The following PRPF18 variants were observed in gnomAD, a reference collection of about 807,000 sequenced individuals.
PRPF18 encodes pre-mRNA processing factor 18.
In PRPF18, 38 loss-of-function variants were observed where a neutral mutation model predicts 46.5. That is an observed-to-expected ratio of 0.82 (90% CI 0.63 to 1.07). The LOEUF (loss-of-function observed/expected upper bound fraction) is 1.07, where lower values mean the gene tolerates loss of function less well. Ranked by LOEUF, PRPF18 falls within the 50% of genes least tolerant of loss-of-function variation. The probability of loss-of-function intolerance (pLI) is 0.00; values close to 1 mark genes in which losing one functional copy is unlikely to be tolerated. For missense variants in PRPF18, 263 were observed against 410.0 expected (o/e 0.64, Z 3.10); for synonymous variants, 152 against 146.7 (o/e 1.04, Z -0.26).
chr10:13,649,710 G>C, the PRPF18 span: 1 of 152,206 alleles, frequency 6.6e-6, no homozygotes, highest in Non-Finnish European at 1.5e-5. Flanking sequence ...CTGGGGAAGA[G>C]ACCCTTGTTC....
chr10:13,653,427 A>C, the PRPF18 span: 1 of 152,292 alleles, frequency 6.6e-6, no homozygotes, highest in Non-Finnish European at 1.5e-5. Flanking sequence ...AATCACTTGA[A>C]CCATGGAGGT....
intron 4 of PRPF18, among the ~76,000 whole-genome samples, chr10:13,606,729 T>G (rs2502206): frequency 0.71 from 90,714 of 128,216 alleles, 32,100 homozygotes; most frequent in East Asian, 0.77. Flanking sequence ...GTGAGACTCC[T>G]TCTCAAAAAA....
intron 9 of PRPF18, among the ~76,000 whole-genome samples, chr10:13,620,558 G>T (rs931942036): frequency 6.6e-6 from 1 of 152,136 alleles, no homozygotes; most frequent in Non-Finnish European, 1.5e-5. Context: ...CTTCCAGCAG[G>T]TTCCTTCATG....
In PRPF18 at chr10:13,611,715, C is replaced by A. The variant is rs781508917; in HGVS notation, c.579+32C>A. 57 of 1,573,262 alleles carry A rather than the reference C, an allele frequency of 3.6e-5. 2 individuals carry two copies. The African/African-American group carries it at 5.1e-4, about 14-fold the overall frequency. Reference sequence around the variant, plus strand: ...GTCTTAGGCGAGGGGATGAGGATGCCTTGGATCCTTATGAACTATTCTTAT... The same window carrying A: ...GTCTTAGGCGAGGGGATGAGGATGCATTGGATCCTTATGAACTATTCTTAT... On this transcript the variant is annotated intron_variant, in intron 6 of 9. Coordinates refer to ENST00000378572, the MANE Select transcript of PRPF18 (RefSeq NM_003675.4).
At chr10:13,650,398 A>G in the PRPF18 span, among the ~76,000 whole-genome samples, 1 of 152,102 alleles carries the variant, frequency 6.6e-6, no homozygotes, top group South Asian at 2.1e-4. Context: ...CTGCATGTGC[A>G]CATGTATGCA....
chr10:13,593,317 A>G (rs2079990606), intron 1 of PRPF18, among the ~76,000 whole-genome samples: 1 of 152,252 alleles, frequency 6.6e-6, no homozygotes, highest in Non-Finnish European at 1.5e-5. Context: ...GTCAGCTAAG[A>G]GGAGAAAGTT....
chr10:13,628,932 G>A (rs2134080747), intron 9 of PRPF18, among the ~76,000 whole-genome samples: 1 of 152,216 alleles, frequency 6.6e-6, no homozygotes, highest in Middle Eastern at 3.4e-3. Context: ...GTTTGCGCAC[G>A]GTATTGAGTA....
At chr10:13,623,888 CATTCTGT>C (rs1389548356) in intron 9 of PRPF18, among the ~76,000 whole-genome samples, 1 of 152,174 alleles carries the variant, frequency 6.6e-6, no homozygotes, top group Non-Finnish European at 1.5e-5. Context: ...ATATCTGGAA[CATTCTGT>C]ATTACTTCCA....
chr10:13,644,408 C>T, the PRPF18 span: 1 of 152,218 alleles, frequency 6.6e-6, no homozygotes, highest in African/African-American at 2.4e-5. Flanking sequence ...GTTTTATGTA[C>T]ATTTTGTATT....
chr10:13,640,780 G>A, the PRPF18 span: 3,167 of 152,630 alleles, frequency 0.021, 89 homozygotes, highest in East Asian at 0.056. Context: ...CCCCAAGCCA[G>A]AGTCATTCCA....
chr10:13,643,141 A>G, the PRPF18 span: 3 of 152,306 alleles, frequency 2.0e-5, no homozygotes, highest in African/African-American at 7.2e-5. Context: ...TGTGATTTAG[A>G]GAGTCAGTGG....
At chr10:13,649,854 A>G in the PRPF18 span, among the ~76,000 whole-genome samples, 4,724 of 152,300 alleles carry the variant, frequency 0.031, 200 homozygotes, top group African/African-American at 0.089. Flanking sequence ...GGGCCACTAA[A>G]TAGTTGCCCT....
chr10:13,651,449 G>C, the PRPF18 span: 4 of 159,116 alleles, frequency 2.5e-5, no homozygotes. Flanking sequence ...TATACTTTGG[G>C]GCCAGGCGCA....
chr10:13,618,158 A>G (rs778994927), intron 9 of PRPF18, among the ~76,000 whole-genome samples: 28 of 152,328 alleles, frequency 1.8e-4, no homozygotes, highest in Non-Finnish European at 3.2e-4. Flanking sequence ...GCAAGAAACT[A>G]GAAGGGATGG....
intron 9 of PRPF18, among the ~76,000 whole-genome samples, chr10:13,621,421 C>T (rs1451040124): frequency 1.3e-5 from 2 of 152,132 alleles, no homozygotes; most frequent in Non-Finnish European, 2.9e-5. Flanking sequence ...GACTGCATCC[C>T]TCTGCCCGAG....
chr10:13,619,816 G>T (rs536300853), intron 9 of PRPF18, among the ~76,000 whole-genome samples: 1 of 151,818 alleles, frequency 6.6e-6, no homozygotes, highest in South Asian at 2.1e-4. Flanking sequence ...GATCTTCCAT[G>T]ATTTTTTTTA....
intron 1 of PRPF18, among the ~76,000 whole-genome samples, chr10:13,593,428 A>G (rs566521211): frequency 1.3e-5 from 2 of 152,204 alleles, no homozygotes; most frequent in Non-Finnish European, 2.9e-5. Flanking sequence ...TATGACCCCA[A>G]GGAGGTTTTT....
intron 6 of PRPF18, among the ~76,000 whole-genome samples, chr10:13,611,907 C>G (rs553381289): frequency 6.9e-6 from 1 of 145,832 alleles, no homozygotes; most frequent in African/African-American, 2.5e-5. Flanking sequence ...GAAACAGAGT[C>G]TTGCTCTTGT....
the PRPF18 span, chr10:13,653,271 T>C: frequency 6.6e-6 from 1 of 152,086 alleles, no homozygotes; most frequent in Admixed American, 6.5e-5. Flanking sequence ...CCTAGCACTT[T>C]GGGAAGCTGA....
Sources: gnomAD v4.1 joint callset for allele counts (sites outside exome capture counted in the v4.1 genomes callset) on GRCh38, gnomAD v4.1.1 for gene constraint, MANE v1.5 for transcripts, NCBI Gene and HGNC (gene_info 2026-07-23, HGNC 2026-07-21) for gene names.